CFAP91: variants seen among roughly 807,000 people sequenced by gnomAD.
CFAP91 encodes the protein cilia- and flagella-associated protein 91.
A neutral mutation model predicts 95.9 loss-of-function variants in CFAP91; 85 were observed. The observed-to-expected ratio is 0.89, with a 90% CI of 0.74 to 1.06. The LOEUF is 1.06. CFAP91 is among the 50% of genes least tolerant of loss of function. The probability of loss-of-function intolerance (pLI) is 0.00; values close to 1 mark genes in which losing one functional copy is unlikely to be tolerated. For synonymous variants in CFAP91, 335 were observed against 327.5 expected (o/e 1.02, Z -0.25); for missense variants, 962 against 943.4 (o/e 1.02, Z -0.26).
intron 3 of CFAP91, 73 bp downstream of exon 3, chr3:119,707,634 T>G: frequency 2.1e-6 from 3 of 1,396,162 alleles, no homozygotes; most frequent in Non-Finnish European, 2.9e-6. Context: ...TTACCATGTG[T>G]GGTTTTAAAA....
At chr3:119,736,034 G>T (rs1294615666) in intron 10 of CFAP91, among the ~76,000 whole-genome samples, 1 of 149,912 alleles carries the variant, frequency 6.7e-6, no homozygotes. Context: ...GTTTTTGTTT[G>T]CCCCTTTATT....
intron 17 of CFAP91, among the ~76,000 whole-genome samples, chr3:119,759,909 G>T (rs1021271713): frequency 4.6e-5 from 7 of 151,748 alleles, no homozygotes; most frequent in Admixed American, 2.6e-4. Context: ...AGAAATCAAG[G>T]CATGGCGCTA....
chr3:119,704,518 A>C (rs572494571), intron 1 of CFAP91, among the ~76,000 whole-genome samples: 1 of 152,328 alleles, frequency 6.6e-6, no homozygotes, highest in South Asian at 2.1e-4. Context: ...TTAGCAAATA[A>C]AAATACAAGA....
At chr3:119,724,135 T>G (rs925623421) in intron 6 of CFAP91, among the ~76,000 whole-genome samples, 4 of 143,264 alleles carry the variant, frequency 2.8e-5, no homozygotes, top group Non-Finnish European at 6.0e-5. Context: ...GCCATTGCAC[T>G]CCAGCCTGGG....
chr3:119,709,990 C>A, intron 5 of CFAP91, 95 bp downstream of exon 5: 1 of 954,700 alleles, frequency 1.0e-6, no homozygotes, highest in Non-Finnish European at 1.7e-6. Context: ...CACTATTTTT[C>A]AAATTGTGGA....
intron 6 of CFAP91, among the ~76,000 whole-genome samples, chr3:119,721,819 A>G (rs2053689935): frequency 1.3e-5 from 2 of 152,136 alleles, no homozygotes; most frequent in Admixed American, 6.5e-5. Context: ...AACTAAAAAG[A>G]GAGTTCAACA....
intron 17 of CFAP91, among the ~76,000 whole-genome samples, chr3:119,756,772 A>G (rs1052007956): frequency 1.3e-5 from 2 of 152,202 alleles, no homozygotes; most frequent in African/African-American, 4.8e-5. Flanking sequence ...GATATATGAC[A>G]TCTAAGCTAA....
At chr3:119,740,858 T>C (rs1202180780) in intron 13 of CFAP91, 163 bp downstream of exon 13, 4 of 743,170 alleles carry the variant, frequency 5.4e-6, no homozygotes, top group Non-Finnish European at 8.6e-6. Context: ...TGTGTGTGTG[T>C]GTGTGTGTGT....
intron 17 of CFAP91, among the ~76,000 whole-genome samples, chr3:119,759,220 G>A (rs1350791401): frequency 1.3e-5 from 2 of 152,010 alleles, no homozygotes; most frequent in Non-Finnish European, 1.5e-5. Flanking sequence ...TCCACAGTAT[G>A]AATTTATTTA....
chr3:119,754,231 T>TGTGTTCTA (rs1395545579), intron 17 of CFAP91, among the ~76,000 whole-genome samples: 1 of 152,250 alleles, frequency 6.6e-6, no homozygotes, highest in East Asian at 1.9e-4. Context: ...TTGACTGAAC[T>TGTGTTCTA]GTGTTCTAGT....
At chr3:119,760,551 A>G (rs1482039830) in intron 17 of CFAP91, among the ~76,000 whole-genome samples, 1 of 151,870 alleles carries the variant, frequency 6.6e-6, no homozygotes, top group Non-Finnish European at 1.5e-5. Flanking sequence ...ACAGACATAT[A>G]TAGAATATTC....
At chr3:119,710,766 A>T (rs953060842) in intron 5 of CFAP91, among the ~76,000 whole-genome samples, 1 of 152,264 alleles carries the variant, frequency 6.6e-6, no homozygotes, top group East Asian at 1.9e-4. Context: ...ATAATGTGGT[A>T]TACAAAGATA....
At chr3:119,723,156 A>G (rs772912417) in intron 6 of CFAP91, among the ~76,000 whole-genome samples, 17 of 152,208 alleles carry the variant, frequency 1.1e-4, no homozygotes, top group Non-Finnish European at 2.1e-4. Context: ...TTCATGAACC[A>G]GTAAATATTT....
chr3:119,707,053 C>T (rs1458154656), intron 2 of CFAP91, 168 bp downstream of exon 2: 6 of 594,310 alleles, frequency 1.0e-5, no homozygotes, highest in Non-Finnish European at 1.8e-5. Flanking sequence ...ACGTGTGGCT[C>T]ATTGTGAGGA....
Position 119,735,746 on chromosome 3 carries a change from C to T in CFAP91, c.1345-1620C>T, listed in dbSNP as rs149625419. The stretch of plus-strand genomic sequence containing the variant: ...CCTTAGAGCAGATTATTCCCAACTC[C>T]TTCTTCCCTTCCCTGTGATATTCCT... On this transcript the variant is annotated intron_variant, in intron 10 of 17. Transcript: ENST00000273390. Among the ~76,000 whole-genome samples, 1,340 of 152,314 alleles carry T rather than the reference C, an allele frequency of 8.8e-3. 20 individuals are homozygous for T. Among genetic ancestry groups the T allele is most frequent in the African/African-American group, 0.03 (1,266 of 41,566 alleles).
chr3:119,718,143 G>A (rs966585455), intron 6 of CFAP91, among the ~76,000 whole-genome samples: 1 of 152,102 alleles, frequency 6.6e-6, no homozygotes, highest in African/African-American at 2.4e-5. Flanking sequence ...AACAAATAAA[G>A]GAAATGGAAG....
intron 3 of CFAP91, 82 bp from the exon 4 acceptor site, chr3:119,708,509 C>T: frequency 2.2e-6 from 2 of 927,192 alleles, no homozygotes; most frequent in Admixed American, 2.1e-5. Context: ...GTAGGTCCTA[C>T]TCTATACACA....
rs79707393 is a variant in CFAP91, at chr3:119,730,453, A to G, written c.1018+76A>G. The G allele has an allele frequency of 2.3e-4, 336 of 1,434,476 alleles. 2 individuals carry two copies. The African/African-American group carries it at 3.7e-3, about 16-fold the overall frequency. The allele number at this position is 1,434,476 out of a possible 1,614,324, so 88.9% of individuals were successfully genotyped here. A position where few individuals can be genotyped will look rare whatever the true frequency, so the allele number is the denominator to read the frequency against. ...TGGATCTTTGACCAAACCTGACTTA[A>G]CTATGATATAATTCTGTTTTGGTCC... On this transcript the variant is annotated intron_variant, in intron 8 of 17. Coordinates refer to ENST00000273390, the MANE Select transcript of CFAP91 (RefSeq NM_033364.4).
chr3:119,715,452 A>G, intron 5 of CFAP91, 110 bp from the exon 6 acceptor site: 1 of 921,104 alleles, frequency 1.1e-6, no homozygotes, highest in South Asian at 1.4e-5. Context: ...GTCAACATTT[A>G]AAAGAGGAAT....
Sources: gnomAD v4.1 joint callset for allele counts (sites outside exome capture counted in the v4.1 genomes callset) on GRCh38, gnomAD v4.1.1 for gene constraint, MANE v1.5 for transcripts, NCBI Gene and HGNC (gene_info 2026-07-23, HGNC 2026-07-21) for gene names.